SLC9A1: variants seen among roughly 807,000 people sequenced by gnomAD.
SLC9A1 encodes solute carrier family 9 member A1.
Under a neutral mutation model 67.9 loss-of-function variants are expected in SLC9A1, and 22 were observed. The ratio of observed to expected loss-of-function variants is 0.32; its 90% CI spans 0.23 to 0.46. SLC9A1 has a LOEUF of 0.46. Ranked by LOEUF, SLC9A1 falls within the 20% of genes least tolerant of loss-of-function variation. SLC9A1 has a pLI of 1.00. For synonymous variants in SLC9A1, 421 were observed against 471.8 expected (o/e 0.89, Z 1.40); for missense variants, 686 against 1,094.8 (o/e 0.63, Z 5.27).
In SLC9A1 at chr1:27,114,395, G is replaced by A; in HGVS notation, c.353-109C>T. 1 of 814,676 alleles carries A rather than the reference G, an allele frequency of 1.2e-6. No individual in the cohort carries two copies. Among genetic ancestry groups the A allele is most frequent in the Non-Finnish European group, 2.0e-6 (1 of 512,712 alleles). 50.5% of individuals were successfully genotyped at this position (814,676 alleles called of 1,614,324 possible). On this transcript the variant is annotated intron_variant, in intron 1 of 11. Transcript: ENST00000263980. This position sits in a 1 kb window ranked among gnomAD's most constrained non-coding sequence, Gnocchi z 5.4. ...AGCGCAGTTGGTGAGAGGTGCACAG[G>A]CTGGGTCTCAGAGGGCTGCTCTGTT... is the stretch of plus-strand genomic sequence containing the variant.
At chr1:27,134,435 T>C (rs2083405714) in intron 1 of SLC9A1, among the ~76,000 whole-genome samples, 1 of 152,194 alleles carries the variant, frequency 6.6e-6, no homozygotes, top group Admixed American at 6.5e-5. Flanking sequence ...TTAAACCTCA[T>C]GGTATCTCTC....
chr1:27,110,691 C>T (rs1363714489), intron 2 of SLC9A1, among the ~76,000 whole-genome samples: 11 of 152,352 alleles, frequency 7.2e-5, no homozygotes, highest in Admixed American at 6.5e-4. Flanking sequence ...CAGGGGGCCC[C>T]CAGCCCAGGA....
At chr1:27,123,712 T>G (rs576545030) in intron 1 of SLC9A1, among the ~76,000 whole-genome samples, 3 of 152,204 alleles carry the variant, frequency 2.0e-5, no homozygotes, top group African/African-American at 7.2e-5. Flanking sequence ...GGTTTCACTA[T>G]GCTGGCCAGG....
At chr1:27,116,800 C>T (rs2083274986) in intron 1 of SLC9A1, among the ~76,000 whole-genome samples, 1 of 152,112 alleles carries the variant, frequency 6.6e-6, no homozygotes, top group Non-Finnish European at 1.5e-5. Flanking sequence ...TCCCATTCTC[C>T]CCACTGTCAA....
chr1:27,109,741 C>T lies in SLC9A1; in HGVS notation c.850G>A (p.Glu284Lys), dbSNP rs547278268. The change falls in exon 3 of 12, where the codon GAA becomes AAA. Residue 284 changes from glutamate to lysine, a missense_variant. Around this residue, in one of 7 missense-constraint regions of SLC9A1, gnomAD observed 58 missense variants for 68.9 expected, o/e 0.84. Coordinates refer to ENST00000263980, the MANE Select transcript of SLC9A1 (RefSeq NM_003047.5). The surrounding 1 kb of genome is among the most constrained non-coding windows in gnomAD (Gnocchi z 5.5). ...YHLFEEFANY[E>K]HVGIVDIFLG... Reference sequence around the variant, plus strand: ...AAGATGTCCACGATGCCCACGTGTTCGTAGTTGGCAAACTCCTCAAAGAGG... The same window carrying T: ...AAGATGTCCACGATGCCCACGTGTTTGTAGTTGGCAAACTCCTCAAAGAGG... 6 of 1,614,008 alleles carry T rather than the reference C, an allele frequency of 3.7e-6. No individual in the cohort carries two copies. The African/African-American group carries it at 4.0e-5, about 11-fold the overall frequency.
intron 5 of SLC9A1, among the ~76,000 whole-genome samples, chr1:27,104,401 C>T (rs544212811): frequency 3.4e-4 from 51 of 151,212 alleles, no homozygotes; most frequent in African/African-American, 6.3e-4. Flanking sequence ...TTTCTTAACT[C>T]GAGAGAGAGT....
intron 5 of SLC9A1, chr1:27,105,622 A>G (rs2083178010): frequency 4.4e-6 from 3 of 676,410 alleles, no homozygotes; most frequent in Admixed American, 2.1e-5. Context: ...TTAATGCTCT[A>G]TGAGTTCCAA....
chr1:27,127,992 T>C (rs1348421588), intron 1 of SLC9A1, among the ~76,000 whole-genome samples: 1 of 152,206 alleles, frequency 6.6e-6, no homozygotes, highest in Non-Finnish European at 1.5e-5. Context: ...GGGGGCTTGT[T>C]GAGAGCCTCT....
At chr1:27,133,765 ATTTTTT>A (rs996909009) in intron 1 of SLC9A1, among the ~76,000 whole-genome samples, 1 of 138,574 alleles carries the variant, frequency 7.2e-6, no homozygotes, top group African/African-American at 2.7e-5. Flanking sequence ...AGCCCTGGTA[ATTTTTT>A]TTTTTTTTTT....
intron 1 of SLC9A1, among the ~76,000 whole-genome samples, chr1:27,135,524 G>GGA (rs2083414882): frequency 1.4e-5 from 1 of 70,364 alleles, no homozygotes; most frequent in South Asian, 4.8e-4. Flanking sequence ...CCTTTTTTCT[G>GGA]GAAAAAAAAA....
At chr1:27,152,117 G>A (rs886184867) in intron 1 of SLC9A1, among the ~76,000 whole-genome samples, 18 of 152,224 alleles carry the variant, frequency 1.2e-4, no homozygotes, top group African/African-American at 3.9e-4. Context: ...GACTGATATT[G>A]TTGCCATGAC....
Position 27,100,243 on chromosome 1 carries a change from C to A in SLC9A1, c.*64G>T. On this transcript the variant is annotated 3_prime_UTR_variant, in exon 12 of 12. Transcript: ENST00000263980. This position sits in a 1 kb window ranked among gnomAD's most constrained non-coding sequence, Gnocchi z 5.6. ...GGGTCAGGAAGGGCAAGGGGAGCCC[C>A]CAGCAGCCCCTGCTCTGGTGGAAGA... 7.8e-7 allele frequency: 1 copy of A among 1,284,906 alleles called. No homozygotes were observed. 79.6% of individuals were successfully genotyped at this position (1,284,906 alleles called of 1,614,324 possible).
At chr1:27,131,208 G>A (rs192088663) in intron 1 of SLC9A1, among the ~76,000 whole-genome samples, 4 of 152,286 alleles carry the variant, frequency 2.6e-5, no homozygotes, top group East Asian at 1.9e-4. Flanking sequence ...GGCAAGAGCC[G>A]TGGTTCTTTT....
At chr1:27,128,028 C>T (rs1051248129) in intron 1 of SLC9A1, among the ~76,000 whole-genome samples, 1 of 152,220 alleles carries the variant, frequency 6.6e-6, no homozygotes, top group African/African-American at 2.4e-5. Context: ...GACTGATGAA[C>T]TCTGCAGCTG....
chr1:27,149,116 G>C (rs901120896), intron 1 of SLC9A1, among the ~76,000 whole-genome samples: 1 of 152,192 alleles, frequency 6.6e-6, no homozygotes, highest in Admixed American at 6.5e-5. Context: ...GCTTTCTCAA[G>C]GCAGGGACAG....
intron 1 of SLC9A1, among the ~76,000 whole-genome samples, chr1:27,119,724 C>G (rs1392954287): frequency 6.6e-6 from 1 of 152,136 alleles, no homozygotes; most frequent in Non-Finnish European, 1.5e-5. Context: ...GGATTCAAAC[C>G]CAGGTAGTCT....
intron 1 of SLC9A1, among the ~76,000 whole-genome samples, chr1:27,117,640 A>G (rs1189712545): frequency 1.3e-5 from 2 of 152,116 alleles, no homozygotes; most frequent in African/African-American, 4.8e-5. Context: ...AGGGCGTCCC[A>G]TGAGCCAGAA....
chr1:27,112,619 C>T (rs999430988), intron 2 of SLC9A1, among the ~76,000 whole-genome samples: 3 of 152,170 alleles, frequency 2.0e-5, no homozygotes, highest in African/African-American at 7.2e-5. Context: ...CGCAGTGGCT[C>T]ATGCCTGTAA....
chr1:27,118,968 C>T lies in SLC9A1; in HGVS notation c.353-4682G>A, dbSNP rs75943962. 6.6e-6 allele frequency among the ~76,000 whole-genome samples: 1 copy of T among 151,812 alleles called. No individual in the cohort carries two copies. Among genetic ancestry groups the T allele is most frequent in the African/African-American group, 2.4e-5 (1 of 41,380 alleles). On this transcript the variant is annotated intron_variant, in intron 1 of 11. Coordinates refer to ENST00000263980, the MANE Select transcript of SLC9A1 (RefSeq NM_003047.5). This position sits in a 1 kb window ranked among gnomAD's most constrained non-coding sequence, Gnocchi z 4.3. ...ACCCTCTGACACAGTTCAGAGTTGG[C>T]GCTCCTTTTAGAAGAGGCTGGGGGA... is the stretch of plus-strand genomic sequence containing the variant.
Sources: gnomAD v4.1 joint callset for allele counts (sites outside exome capture counted in the v4.1 genomes callset) on GRCh38, gnomAD v4.1.1 for gene constraint, gnomAD v4.1.1 regional missense constraint, Gnocchi (gnomAD v3.1) non-coding constraint, MANE v1.5 for transcripts, NCBI Gene and HGNC (gene_info 2026-07-23, HGNC 2026-07-21) for gene names.